MYOM2: variants seen among roughly 807,000 people sequenced by gnomAD.
MYOM2 encodes the protein myomesin 2.
A neutral mutation model predicts 187.6 loss-of-function variants in MYOM2; 254 were observed. The ratio of observed to expected loss-of-function variants is 1.35; its 90% CI spans 1.22 to 1.50. The LOEUF (loss-of-function observed/expected upper bound fraction) is 1.50, where lower values mean the gene tolerates loss of function less well. Among genes scored for constraint, MYOM2 ranks in the 40% most tolerant of loss-of-function variants. The pLI is 0.00. For synonymous variants in MYOM2, 981 were observed against 753.8 expected (o/e 1.30, Z -4.94); for missense variants, 2,796 against 1,924.0 (o/e 1.45, Z -8.48).
At chr8:2,100,148 C>T (rs1796653264) in intron 19 of MYOM2, among the ~76,000 whole-genome samples, 1 of 143,220 alleles carries the variant, frequency 7.0e-6, no homozygotes, top group Non-Finnish European at 1.5e-5. Context: ...TTCCTTCCTT[C>T]CTTCCTTCCT....
chr8:2,123,395 A>G, intron 29 of MYOM2, 30 bp downstream of exon 29: 4 of 1,550,670 alleles, frequency 2.6e-6, no homozygotes, highest in Non-Finnish European at 3.5e-6. Flanking sequence ...ACAAGAAAGC[A>G]AAACAAAAAC....
intron 20 of MYOM2, among the ~76,000 whole-genome samples, chr8:2,101,284 C>T (rs1050073579): frequency 1.3e-5 from 2 of 152,314 alleles, no homozygotes; most frequent in South Asian, 2.1e-4. Context: ...ACCCGGGAGG[C>T]GGAGGTTGCG....
intron 14 of MYOM2, among the ~76,000 whole-genome samples, chr8:2,087,966 G>T (rs1362323144): frequency 6.6e-6 from 1 of 152,138 alleles, no homozygotes; most frequent in Non-Finnish European, 1.5e-5. Flanking sequence ...TTAGAGAGAG[G>T]ACTCCACCGT....
chr8:2,047,918 C>T (rs1374114881), intron 1 of MYOM2, among the ~76,000 whole-genome samples: 2 of 152,204 alleles, frequency 1.3e-5, no homozygotes, highest in African/African-American at 2.4e-5. Flanking sequence ...TTGGACAGGA[C>T]GTTACAGACT....
rs1798418729 is a variant in MYOM2 at position 2,145,164 on chromosome 8, G to C, written c.*183G>C. The C allele has an allele frequency of 1.5e-6, 1 of 665,908 alleles. No homozygotes were observed. The highest frequency in any genetic ancestry group is 2.8e-5 in the East Asian group (1 of 36,360). The allele number at this position is 665,908 out of a possible 1,614,324, so 41.2% of individuals were successfully genotyped here. A position where few individuals can be genotyped will look rare whatever the true frequency, so the allele number is the denominator to read the frequency against. On this transcript the variant is annotated 3_prime_UTR_variant, in exon 37 of 37. Coordinates refer to ENST00000262113, the MANE Select transcript of MYOM2 (RefSeq NM_003970.4). ...ATTTTATACCCGTCTAAGGGAGAAA[G>C]CTAATGTTTTCCACAAGACTGAACA...
chr8:2,045,843 G>A (rs1452475034), intron 1 of MYOM2, among the ~76,000 whole-genome samples: 1 of 152,224 alleles, frequency 6.6e-6, no homozygotes, highest in East Asian at 1.9e-4. Flanking sequence ...GAAAGACAGT[G>A]GGGCTGGGTG....
At chr8:2,133,005 C>T (rs1321180080) in intron 32 of MYOM2, among the ~76,000 whole-genome samples, 6 of 152,260 alleles carry the variant, frequency 3.9e-5, no homozygotes, top group South Asian at 2.1e-4. Context: ...TTGTCCTGGT[C>T]GTGGCTTTAG....
intron 10 of MYOM2, among the ~76,000 whole-genome samples, chr8:2,073,733 A>AT (rs1396666112): frequency 6.6e-6 from 1 of 152,236 alleles, no homozygotes; most frequent in African/African-American, 2.4e-5. Flanking sequence ...CAGAATCATC[A>AT]TTTTTTTGTC....
chr8:2,050,989 A>G (rs1346468356), intron 2 of MYOM2, 116 bp downstream of exon 2: 7 of 754,738 alleles, frequency 9.3e-6, no homozygotes, highest in Admixed American at 2.2e-5. Flanking sequence ...GGAGTCAGAG[A>G]GCAGAGATGG....
At chr8:2,081,072 GATCT>G in intron 13 of MYOM2, among the ~76,000 whole-genome samples, 1 of 143,224 alleles carries the variant, frequency 7.0e-6, no homozygotes, top group African/African-American at 2.7e-5. Context: ...GTTTGGTTCT[GATCT>G]GCGGGAGGAA....
rs564732960 is a variant in MYOM2 at position 2,131,110 on chromosome 8, AAC to A, written c.3800+1885_3800+1886del. On this transcript the variant is annotated intron_variant, in intron 32 of 36. Coordinates refer to ENST00000262113, the MANE Select transcript of MYOM2 (RefSeq NM_003970.4). The stretch of plus-strand genomic sequence containing the variant: ...CTGGGTCTGGGGGGTACAGAGATTA[AAC>A]ACACACCCACACACAGGATTAAACA... 3.7e-4 allele frequency among the ~76,000 whole-genome samples: 56 copies of A among 152,204 alleles called. No individual in the cohort carries two copies. The South Asian group carries it at 6.2e-3, about 17-fold the overall frequency.
chr8:2,076,059 G>A, intron 10 of MYOM2, 82 bp from the exon 11 acceptor site: 1 of 1,359,100 alleles, frequency 7.4e-7, no homozygotes, highest in African/African-American at 1.4e-5. Context: ...TAGAATTGGA[G>A]CTTGGAGGAG....
At chr8:2,078,535 A>G (rs941478201) in intron 11 of MYOM2, among the ~76,000 whole-genome samples, 199 bp from the exon 12 acceptor site, 1 of 151,996 alleles carries the variant, frequency 6.6e-6, no homozygotes, top group Non-Finnish European at 1.5e-5. Context: ...TATTACATAT[A>G]ATATATATAT....
chr8:2,076,311 G>A (rs1348204960), intron 11 of MYOM2, 29 bp downstream of exon 11: 1 of 1,609,806 alleles, frequency 6.2e-7, no homozygotes, highest in Non-Finnish European at 8.5e-7. Flanking sequence ...CCCGGGGATG[G>A]GAACGTTCCG....
chr8:2,089,739 A>G (rs1487198527), intron 14 of MYOM2, among the ~76,000 whole-genome samples: 1 of 152,122 alleles, frequency 6.6e-6, no homozygotes, highest in Non-Finnish European at 1.5e-5. Flanking sequence ...TGATTCCCTT[A>G]TGTTTTCTAT....
Position 2,123,315 on chromosome 8 carries a change from G to C in MYOM2, c.3517G>C (p.Glu1173Gln), listed in dbSNP as rs1045722624. Residue 1173 changes from glutamate to glutamine, a missense_variant, in exon 29 of 37, where the codon GAG becomes CAG. By Grantham distance (29) the Glu-to-Gln change is conservative (BLOSUM62 2). Coordinates refer to ENST00000262113, the MANE Select transcript of MYOM2 (RefSeq NM_003970.4). ...CAAGGATGATGTTCTGTATGAAACGGAGACACTGCCTAACCTGGAGAGGGG... is the reference window on the plus strand; with the variant it reads ...CAAGGATGATGTTCTGTATGAAACGCAGACACTGCCTAACCTGGAGAGGGG... ...WLKDDVLYETETLPNLERGIC... is the reference protein window; with the variant it reads ...WLKDDVLYETQTLPNLERGIC... The C allele has an allele frequency of 1.4e-5, 23 of 1,613,810 alleles. No homozygotes were observed. Among genetic ancestry groups the C allele is most frequent in the Non-Finnish European group, 1.9e-5 (23 of 1,179,974 alleles).
chr8:2,090,334 G>A (rs1027200906), intron 15 of MYOM2, 143 bp downstream of exon 15: 3 of 682,548 alleles, frequency 4.4e-6, no homozygotes, highest in Non-Finnish European at 6.6e-6. Context: ...CTTTACGAGA[G>A]ATTAAGAGCT....
At chr8:2,068,413 A>G (rs1258637461) in intron 6 of MYOM2, among the ~76,000 whole-genome samples, 2 of 149,330 alleles carry the variant, frequency 1.3e-5, no homozygotes, top group African/African-American at 5.0e-5. Context: ...TGTGTGCACC[A>G]GGTGGAGAGC....
At chr8:2,057,205 A>T in intron 3 of MYOM2, 143 bp from the exon 4 acceptor site, 2 of 880,600 alleles carry the variant, frequency 2.3e-6, no homozygotes, top group Non-Finnish European at 3.3e-6. Flanking sequence ...TCAAATGAGC[A>T]GAAGTAGCAT....
Sources: allele counts gnomAD v4.1 joint callset (sites outside exome capture counted in the v4.1 genomes callset), GRCh38; gene constraint gnomAD v4.1.1; transcripts MANE v1.5; gene names NCBI Gene and HGNC (gene_info 2026-07-23, HGNC 2026-07-21).